The following MACO1 variants were observed in gnomAD, a reference collection of about 807,000 sequenced individuals.
MACO1 encodes macoilin.
In MACO1, 14 loss-of-function variants were observed where a neutral mutation model predicts 78.7. The observed-to-expected ratio is 0.18, with a 90% CI of 0.12 to 0.28. The LOEUF (loss-of-function observed/expected upper bound fraction) is 0.28, where lower values mean the gene tolerates loss of function less well. Ranked by LOEUF, MACO1 falls within the 10% of genes least tolerant of loss-of-function variation. The pLI, the probability that MACO1 is intolerant of heterozygous loss-of-function variation, is 1.00. For missense variants in MACO1, 501 were observed against 799.0 expected (o/e 0.63, Z 4.50); for synonymous variants, 288 against 291.6 (o/e 0.99, Z 0.12).
intron 1 of MACO1, among the ~76,000 whole-genome samples, chr1:25,434,909 G>A: frequency 6.6e-6 from 1 of 152,008 alleles, no homozygotes; most frequent in Non-Finnish European, 1.5e-5. Flanking sequence ...GTTTTTAAAA[G>A]CCTTAAGGGG....
At chr1:25,460,081 T>G (rs1477170557) in intron 6 of MACO1, among the ~76,000 whole-genome samples, 1 of 152,206 alleles carries the variant, frequency 6.6e-6, no homozygotes. Flanking sequence ...ATTATTAATT[T>G]GTTTTAATTT....
intron 3 of MACO1, among the ~76,000 whole-genome samples, chr1:25,451,801 G>A (rs2043068488): frequency 6.6e-6 from 1 of 152,026 alleles, no homozygotes; most frequent in Admixed American, 6.5e-5. Context: ...AGCTGCTCAG[G>A]AGGCTGAGGC....
At chr1:25,492,598 G>GT (rs1439458557) in intron 10 of MACO1, among the ~76,000 whole-genome samples, 4 of 152,088 alleles carry the variant, frequency 2.6e-5, no homozygotes, top group Non-Finnish European at 5.9e-5. Flanking sequence ...GCAGACAGGA[G>GT]TAACAGCAGT....
chr1:25,489,972 G>A, intron 9 of MACO1, among the ~76,000 whole-genome samples: 1 of 152,050 alleles, frequency 6.6e-6, no homozygotes, highest in East Asian at 1.9e-4. Flanking sequence ...CTTTGGAATA[G>A]CTAAATAACT....
chr1:25,483,964 C>A, intron 6 of MACO1, 152 bp from the exon 7 acceptor site: 2 of 690,622 alleles, frequency 2.9e-6, no homozygotes, highest in Non-Finnish European at 4.7e-6. Flanking sequence ...AAAATTAACC[C>A]AGTTGCAGAC....
At chr1:25,439,673 T>G (rs955032206) in intron 1 of MACO1, among the ~76,000 whole-genome samples, 8 of 151,710 alleles carry the variant, frequency 5.3e-5, no homozygotes, top group Non-Finnish European at 1.0e-4. Context: ...AATTTCTGTT[T>G]TTTTTTTTTT....
intron 6 of MACO1, among the ~76,000 whole-genome samples, chr1:25,483,496 A>AGATGG (rs2043399120): frequency 6.6e-6 from 1 of 152,262 alleles, no homozygotes; most frequent in African/African-American, 2.4e-5. Context: ...TTCATTTTAC[A>AGATGG]GATGGAGTTC....
chr1:25,478,980 C>T (rs1191444578), intron 6 of MACO1, among the ~76,000 whole-genome samples: 1 of 152,114 alleles, frequency 6.6e-6, no homozygotes, highest in Non-Finnish European at 1.5e-5. Context: ...TGTAGCTCTT[C>T]TGGAGAAAAC....
At position 25,440,293 on chromosome 1, in the gene MACO1, G is replaced by A. The variant is rs1398868827; in HGVS notation, c.81-6469G>A. Among the ~76,000 whole-genome samples, 4 of 150,824 alleles carry A rather than the reference G, an allele frequency of 2.7e-5. No individual in the cohort carries two copies. The East Asian group carries it at 5.9e-4, about 22-fold the overall frequency. The stretch of plus-strand genomic sequence containing the variant: ...ATGTGCCCGTAGTCCTAATTACTCT[G>A]GAGGCTGAGATAGGAGGATCACTTG... On this transcript the variant is annotated intron_variant, in intron 1 of 10. Transcript: ENST00000374343.
intron 10 of MACO1, among the ~76,000 whole-genome samples, chr1:25,493,350 C>A (rs748563667): frequency 4.0e-5 from 6 of 151,616 alleles, no homozygotes; most frequent in Non-Finnish European, 5.9e-5. Context: ...GTGATCCTCC[C>A]ACCTCAGCCT....
In MACO1 at chr1:25,485,679, A is replaced by G. The variant is rs2043423315; in HGVS notation, c.1380A>G (p.Leu460=). 1 of 1,614,232 alleles carries G rather than the reference A, an allele frequency of 6.2e-7. No homozygotes were observed. The highest frequency in any genetic ancestry group is 8.5e-7 in the Non-Finnish European group (1 of 1,180,044). ...ATATCAGCCAGTTGGAGAAAAAGCT[A>G]AAAGCTGAGCAGGAAGCCCGAAGTT... ...KQNISQLEKK[L]KAEQEARSFV... is the part of the protein sequence containing the mutation. Residue 460 remains leucine (L), a synonymous_variant, in exon 8 of 11, where the codon CTA becomes CTG. Coordinates refer to ENST00000374343, the MANE Select transcript of MACO1 (RefSeq NM_018202.6). The surrounding 1 kb of genome is among the most constrained non-coding windows in gnomAD (Gnocchi z 4.3).
At chr1:25,441,291 A>G (rs1005033266) in intron 1 of MACO1, among the ~76,000 whole-genome samples, 1 of 152,056 alleles carries the variant, frequency 6.6e-6, no homozygotes, top group Non-Finnish European at 1.5e-5. Flanking sequence ...CCTGGGTTCA[A>G]GCGATTCTCC....
In MACO1 at chr1:25,456,847, A is replaced by G. The variant is rs905983812; in HGVS notation, c.652+16A>G. ...GCCGAGGAAGGTAGGTCTTTACCCTAAAGCTGTTGGCTCAATAGGCTAGTC... is the reference window on the plus strand; with the variant it reads ...GCCGAGGAAGGTAGGTCTTTACCCTGAAGCTGTTGGCTCAATAGGCTAGTC... On this transcript the variant is annotated intron_variant, in intron 5 of 10. Coordinates refer to ENST00000374343, the MANE Select transcript of MACO1 (RefSeq NM_018202.6). The G allele has an allele frequency of 2.5e-6, 4 of 1,580,524 alleles. No homozygotes were observed. Among genetic ancestry groups the G allele is most frequent in the Non-Finnish European group, 3.4e-6 (4 of 1,168,350 alleles).
At chr1:25,451,672 C>G (rs2043067269) in intron 3 of MACO1, among the ~76,000 whole-genome samples, 1 of 152,042 alleles carries the variant, frequency 6.6e-6, no homozygotes, top group Non-Finnish European at 1.5e-5. Context: ...TTTGGGAGGC[C>G]AAGGCGGGTG....
Position 25,485,216 on chromosome 1 carries a change from T to A in MACO1, c.1314-397T>A, listed in dbSNP as rs1028229524. ...ACCTTCCCCTTTCCACCCCTTACCT[T>A]AGTTTCACTGGGGCTGGTCCCATCA... On this transcript the variant is annotated intron_variant, in intron 7 of 10. Coordinates refer to ENST00000374343, the MANE Select transcript of MACO1 (RefSeq NM_018202.6). This position sits in a 1 kb window ranked among gnomAD's most constrained non-coding sequence, Gnocchi z 4.3. Among the ~76,000 whole-genome samples the A allele has an allele frequency of 2.6e-5, 4 of 152,214 alleles. No individual in the cohort carries two copies. The highest frequency in any genetic ancestry group is 9.6e-5 in the African/African-American group (4 of 41,452).
chr1:25,454,136 TTTAA>T, intron 3 of MACO1, 119 bp from the exon 4 acceptor site: 3 of 1,181,470 alleles, frequency 2.5e-6, no homozygotes, highest in Non-Finnish European at 3.3e-6. Context: ...CAGTTTGCCT[TTTAA>T]TTTAGTTTAG....
intron 5 of MACO1, among the ~76,000 whole-genome samples, 158 bp from the exon 6 acceptor site, chr1:25,458,233 C>CT (rs1557664687): frequency 6.6e-6 from 1 of 152,090 alleles, no homozygotes; most frequent in East Asian, 1.9e-4. Flanking sequence ...TTCTAGTAAA[C>CT]TATGAGGATT....
chr1:25,494,146 T>C (rs577957441), intron 10 of MACO1, among the ~76,000 whole-genome samples: 51 of 152,308 alleles, frequency 3.3e-4, no homozygotes, highest in Non-Finnish European at 5.1e-4. Context: ...AGGGAAGTAA[T>C]GTCTCAGTAC....
intron 10 of MACO1, 61 bp from the exon 11 acceptor site, chr1:25,498,203 T>C (rs2043554487): frequency 6.3e-7 from 1 of 1,577,938 alleles, no homozygotes; most frequent in Non-Finnish European, 8.7e-7. Context: ...GATTGGCCCC[T>C]GGGGACATTG....
Sources: gnomAD v4.1 joint callset for allele counts (sites outside exome capture counted in the v4.1 genomes callset) on GRCh38, gnomAD v4.1.1 for gene constraint, Gnocchi (gnomAD v3.1) non-coding constraint, MANE v1.5 for transcripts, NCBI Gene and HGNC (gene_info 2026-07-23, HGNC 2026-07-21) for gene names.